NUP133: variants seen among roughly 807,000 people sequenced by gnomAD.
NUP133 encodes the protein nucleoporin 133.
Under a neutral mutation model 146.2 loss-of-function variants are expected in NUP133, and 66 were observed. The ratio of observed to expected loss-of-function variants is 0.45; its 90% CI spans 0.37 to 0.55. The LOEUF is 0.55. NUP133 is among the 20% of genes least tolerant of loss of function. The pLI is 0.00. For missense variants in NUP133, 1,277 were observed against 1,374.8 expected, an observed-to-expected ratio of 0.93 and a Z score of 1.12; for synonymous variants, 521 against 498.8, an observed-to-expected ratio of 1.04 and a Z score of -0.59.
intron 2 of NUP133, among the ~76,000 whole-genome samples, chr1:229,504,143 A>ATT (rs368669653): frequency 2.0e-5 from 3 of 149,416 alleles, no homozygotes; most frequent in East Asian, 1.9e-4. Context: ...TAATTTCAGC[A>ATT]TTTTTTTTTT....
chr1:229,483,972 C>G, intron 12 of NUP133, 82 bp downstream of exon 12: 1 of 940,582 alleles, frequency 1.1e-6, no homozygotes, highest in Non-Finnish European at 1.6e-6. Flanking sequence ...CCAACTTGCT[C>G]CCACCAGTCA....
In NUP133 at chr1:229,486,523, T is replaced by C. The variant is rs750117176; in HGVS notation, c.1348A>G (p.Ser450Gly). The C allele has an allele frequency of 8.7e-6, 14 of 1,604,858 alleles. No individual in the cohort carries two copies. The highest frequency in any genetic ancestry group is 1.2e-5 in the Non-Finnish European group (14 of 1,177,488). ...EKIVFNAQGD[S>G]VLGAGACGGV... is the part of the protein sequence containing the mutation. ...CCACAGGCACCAGCACCTAAAACACTATCTCCTAAAAGAAAGGAAAACAGA... is the reference window on the plus strand; with the variant it reads ...CCACAGGCACCAGCACCTAAAACACCATCTCCTAAAAGAAAGGAAAACAGA... The change falls in exon 11 of 26, where the codon AGT (serine) becomes GGT (glycine). Residue 450 changes from serine to glycine, a missense_variant. Physicochemically the swap from Ser to Gly is moderately conservative, Grantham distance 56. This residue lies in a region of NUP133 where 952 missense variants were observed against 1,047.0 expected (regional missense o/e 0.91). Transcript: ENST00000261396.
intron 2 of NUP133, among the ~76,000 whole-genome samples, chr1:229,505,305 T>C (rs1661905894): frequency 6.6e-6 from 1 of 152,144 alleles, no homozygotes; most frequent in Non-Finnish European, 1.5e-5. Context: ...TTCTACTTTA[T>C]TATTACTGTT....
At chr1:229,470,838 C>A in intron 14 of NUP133, 34 bp from the exon 15 acceptor site, 1 of 1,588,200 alleles carries the variant, frequency 6.3e-7, no homozygotes, top group Non-Finnish European at 8.6e-7. Flanking sequence ...TCTCAGAAAG[C>A]AATTATGGTA....
intron 1 of NUP133, 35 bp downstream of exon 1, chr1:229,508,033 G>A (rs1282582231): frequency 2.1e-6 from 3 of 1,426,554 alleles, no homozygotes; most frequent in East Asian, 5.4e-5. Context: ...CCGTGAGGCT[G>A]TTGGTTGCCA....
At chr1:229,453,263 T>A (rs1020365491) in intron 21 of NUP133, among the ~76,000 whole-genome samples, 1 of 152,166 alleles carries the variant, frequency 6.6e-6, no homozygotes, top group East Asian at 1.9e-4. Context: ...TTCCATTTTT[T>A]AAAAAATAAT....
chr1:229,490,463 A>G (rs1287951469), intron 8 of NUP133, among the ~76,000 whole-genome samples: 2 of 152,174 alleles, frequency 1.3e-5, no homozygotes, highest in African/African-American at 4.8e-5. Flanking sequence ...GACAGAAACC[A>G]GACTCAAAAG....
Position 229,496,042 on chromosome 1 carries a change from T to TG in NUP133, c.824dup (p.Ser276LysfsTer6). 1 of 1,568,686 alleles carries TG rather than the reference T, an allele frequency of 6.4e-7. No homozygotes were observed. The highest frequency in any genetic ancestry group is 8.6e-7 in the Non-Finnish European group (1 of 1,163,736). On this transcript the variant is annotated frameshift_variant, in exon 7 of 26. Transcript: ENST00000261396. LOFTEE classifies it high-confidence loss of function. ...ATCTCTCTCTATCCCAGAGAACACT[T>TG]GAAAGCTATTCAGAAAAGAAAAGGA... is the stretch of plus-strand genomic sequence containing the variant.
chr1:229,452,793 T>A (rs1415486995), intron 21 of NUP133, 150 bp from the exon 22 acceptor site: 14 of 562,790 alleles, frequency 2.5e-5, no homozygotes, highest in Non-Finnish European at 3.8e-5. Context: ...TCAGAATGCT[T>A]TTAATTCTTA....
intron 15 of NUP133, among the ~76,000 whole-genome samples, chr1:229,467,770 CA>C (rs1291598276): frequency 6.6e-6 from 1 of 151,814 alleles, no homozygotes; most frequent in Non-Finnish European, 1.5e-5. Context: ...ACTAAAAATA[CA>C]AAAATTAGCT....
chr1:229,484,535 TCAAC>T (rs1661300039), intron 11 of NUP133, among the ~76,000 whole-genome samples: 1 of 152,180 alleles, frequency 6.6e-6, no homozygotes, highest in Non-Finnish European at 1.5e-5. Context: ...CATCAAATGA[TCAAC>T]CAAAGTCATA....
intron 6 of NUP133, among the ~76,000 whole-genome samples, chr1:229,496,634 G>GTA (rs1661663544): frequency 6.6e-6 from 1 of 152,156 alleles, no homozygotes. Flanking sequence ...AAGTCATCCT[G>GTA]TTACATTGGA....
chr1:229,501,571 T>C (rs1302544842), intron 3 of NUP133, among the ~76,000 whole-genome samples: 1 of 152,230 alleles, frequency 6.6e-6, no homozygotes, highest in Non-Finnish European at 1.5e-5. Context: ...AGTGGACAAG[T>C]GAAAAGTTTA....
intron 12 of NUP133, among the ~76,000 whole-genome samples, chr1:229,483,233 G>T (rs1217640534): frequency 6.6e-6 from 1 of 152,134 alleles, no homozygotes; most frequent in Non-Finnish European, 1.5e-5. Flanking sequence ...GAGTAGCTGG[G>T]ACTAGAGGCG....
chr1:229,486,857 T>C (rs1661364315), intron 10 of NUP133, among the ~76,000 whole-genome samples: 1 of 151,312 alleles, frequency 6.6e-6, no homozygotes. Context: ...CCTGTGGAGT[T>C]CTCTTAATTC....
chr1:229,498,160 A>T lies in NUP133; in HGVS notation c.795T>A (p.Ile265=). 5.0e-6 allele frequency: 8 copies of T among 1,609,516 alleles called. No individual in the cohort carries two copies. The highest frequency in any genetic ancestry group is 6.8e-6 in the Non-Finnish European group (8 of 1,178,766). ...IGRKVSSLFG[I]LSPSSDLTLS... ...CTGTGAGATCACTACTAGGAGATAA[A>T]ATTCCAAAAAGAGAAGAAACTTTTC... The change falls in exon 6 of 26, where the codon ATT becomes ATA. Residue 265 remains isoleucine (I), a synonymous_variant. Transcript: ENST00000261396.
chr1:229,457,212 T>C (rs886407693), intron 21 of NUP133, among the ~76,000 whole-genome samples: 2 of 152,222 alleles, frequency 1.3e-5, no homozygotes, highest in African/African-American at 4.8e-5. Flanking sequence ...TGTTGTGTAA[T>C]GATCACAGGG....
intron 19 of NUP133, among the ~76,000 whole-genome samples, chr1:229,462,905 G>A (rs1163520287): frequency 1.3e-5 from 2 of 152,126 alleles, no homozygotes; most frequent in Non-Finnish European, 2.9e-5. Flanking sequence ...AAATGAGAAT[G>A]TTAGGTGTAT....
chr1:229,490,402 A>T lies in NUP133; in HGVS notation c.1047-300T>A, dbSNP rs1337934870. ...ATACAAAAGAACACTATTCAGTAGT[A>T]AAAAAAAAAAAAAAAAATACTGAAT... On this transcript the variant is annotated intron_variant, in intron 8 of 25. Coordinates refer to ENST00000261396, the MANE Select transcript of NUP133 (RefSeq NM_018230.3). Among the ~76,000 whole-genome samples the T allele has an allele frequency of 6.0e-5, 7 of 117,044 alleles. No homozygotes were observed. In the East Asian group the frequency reaches 1.5e-3, roughly 25 times the overall value. 76.8% of individuals were successfully genotyped at this position (117,044 alleles called of 152,430 possible). A position where few individuals can be genotyped will look rare whatever the true frequency, so the allele number is the denominator to read the frequency against.
Sources: allele counts gnomAD v4.1 joint callset (sites outside exome capture counted in the v4.1 genomes callset), GRCh38; gene constraint gnomAD v4.1.1; regional missense constraint gnomAD v4.1.1; transcripts MANE v1.5; gene names NCBI Gene and HGNC (gene_info 2026-07-23, HGNC 2026-07-21).